Variants in ZDHHC14 observed in about 807,000 individuals in gnomAD.
The protein encoded by ZDHHC14 is palmitoyltransferase ZDHHC14.
ZDHHC14 carries 16 observed loss-of-function variants against 47.7 expected under a neutral mutation model. That is an observed-to-expected ratio of 0.34 (90% CI 0.23 to 0.51). The LOEUF (loss-of-function observed/expected upper bound fraction) is 0.51. Ranked by LOEUF, ZDHHC14 falls within the 20% of genes least tolerant of loss-of-function variation. The pLI, the probability that ZDHHC14 is intolerant of heterozygous loss-of-function variation, is 0.97. For missense variants in ZDHHC14, 515 were observed against 662.5 expected, an observed-to-expected ratio of 0.78 and a Z score of 2.44; for synonymous variants, 293 against 278.9, an observed-to-expected ratio of 1.05 and a Z score of -0.50.
intron 2 of ZDHHC14, among the ~76,000 whole-genome samples, chr6:157,590,574 A>T (rs113360574): frequency 0.018 from 2,717 of 152,320 alleles, 87 homozygotes; most frequent in African/African-American, 0.062. Context: ...ATTTCAGAGG[A>T]TGTATGGAAA....
intron 2 of ZDHHC14, among the ~76,000 whole-genome samples, chr6:157,550,179 C>T (rs1012661887): frequency 6.6e-6 from 1 of 152,212 alleles, no homozygotes; most frequent in African/African-American, 2.4e-5. Context: ...AGTGTGAATT[C>T]CTAAGTTCAC....
rs879656638 is a variant in ZDHHC14 at position 157,413,589 on chromosome 6, C to CT, written c.245+31336dup. 4.7e-3 allele frequency among the ~76,000 whole-genome samples: 652 copies of CT among 139,464 alleles called. 6 individuals carry two copies. The highest frequency in any genetic ancestry group is 0.014 in the African/African-American group (529 of 38,158). 91.5% of individuals were successfully genotyped at this position (139,464 alleles called of 152,430 possible). On this transcript the variant is annotated intron_variant, in intron 1 of 8. Transcript: ENST00000359775. Reference sequence around the variant, plus strand: ...TTTTAAAGCTTTTCTTCCTTCCTTTCTTTTTTTTTTTTTAAGTCAGAAGGC... The same window carrying CT: ...TTTTAAAGCTTTTCTTCCTTCCTTTCTTTTTTTTTTTTTTAAGTCAGAAGGC...
chr6:157,622,552 A>C (rs1274567953), intron 3 of ZDHHC14, among the ~76,000 whole-genome samples: 1 of 152,056 alleles, frequency 6.6e-6, no homozygotes, highest in East Asian at 1.9e-4. Flanking sequence ...CTTGCATTCC[A>C]CTGTAGCCTC....
At chr6:157,493,711 TGG>T (rs1779984710) in intron 1 of ZDHHC14, among the ~76,000 whole-genome samples, 1 of 152,244 alleles carries the variant, frequency 6.6e-6, no homozygotes, top group Non-Finnish European at 1.5e-5. Context: ...TCAGGCATTT[TGG>T]GGTGCAGAAG....
chr6:157,614,568 G>GA (rs979191916), intron 3 of ZDHHC14, among the ~76,000 whole-genome samples: 8 of 152,112 alleles, frequency 5.3e-5, no homozygotes, highest in African/African-American at 1.7e-4. Context: ...GATGTTCTTA[G>GA]AAAAACTCTC....
chr6:157,579,193 T>TG (rs1562490132), intron 2 of ZDHHC14, among the ~76,000 whole-genome samples: 21 of 100,278 alleles, frequency 2.1e-4, no homozygotes, highest in African/African-American at 9.4e-4. Flanking sequence ...ATTCTGTGTT[T>TG]TTTTTTTTTT....
At chr6:157,602,181 G>GA in intron 3 of ZDHHC14, among the ~76,000 whole-genome samples, 1 of 133,496 alleles carries the variant, frequency 7.5e-6, no homozygotes, top group East Asian at 2.4e-4. Context: ...CCAGCCTGGG[G>GA]ACAGAGCGAG....
chr6:157,666,593 A>C (rs1026034247), intron 8 of ZDHHC14, among the ~76,000 whole-genome samples: 5 of 152,232 alleles, frequency 3.3e-5, no homozygotes, highest in Admixed American at 2.0e-4. Context: ...GCAGAAATAC[A>C]TGATGCGTAA....
intron 1 of ZDHHC14, among the ~76,000 whole-genome samples, chr6:157,422,399 G>T (rs920114792): frequency 1.3e-5 from 2 of 151,980 alleles, no homozygotes; most frequent in African/African-American, 4.8e-5. Flanking sequence ...CTCCATTTCT[G>T]GATTCTGTAC....
At chr6:157,581,030 T>A (rs1181282832) in intron 2 of ZDHHC14, among the ~76,000 whole-genome samples, 1 of 152,100 alleles carries the variant, frequency 6.6e-6, no homozygotes, top group East Asian at 1.9e-4. Context: ...TAATTTGAGA[T>A]CCTTCTTACT....
Position 157,414,180 on chromosome 6 carries a change from C to T in ZDHHC14, c.245+31914C>T, listed in dbSNP as rs999773257. Among the ~76,000 whole-genome samples the T allele has an allele frequency of 3.3e-5, 5 of 152,166 alleles. 1 individual carries two copies. Among genetic ancestry groups the T allele is most frequent in the African/African-American group, 1.2e-4 (5 of 41,410 alleles). ...CTCCTGACCTCAGGTGATCCTCCCA[C>T]CTTGGCTTCCTTTGATTACAGGCGT... On this transcript the variant is annotated intron_variant, in intron 1 of 8. Transcript: ENST00000359775.
rs139740366 is a variant in ZDHHC14 at position 157,602,632 on chromosome 6, A to C, written c.565+9486A>C. Reference sequence around the variant, plus strand: ...AGTGTATAGACTACCTGGGGTACTGAACGGTAGGACAGAAGCTCAGGGATG... The same window carrying C: ...AGTGTATAGACTACCTGGGGTACTGCACGGTAGGACAGAAGCTCAGGGATG... On this transcript the variant is annotated intron_variant, in intron 3 of 8. Transcript: ENST00000359775. 2.8e-3 allele frequency among the ~76,000 whole-genome samples: 422 copies of C among 152,218 alleles called. 3 individuals are homozygous for C. The highest frequency in any genetic ancestry group is 4.8e-3 in the Non-Finnish European group (324 of 68,010).
intron 1 of ZDHHC14, among the ~76,000 whole-genome samples, chr6:157,461,618 G>C (rs958350914): frequency 6.6e-6 from 1 of 152,176 alleles, no homozygotes; most frequent in African/African-American, 2.4e-5. Context: ...TTGGGTTAGG[G>C]TCTTGAAGTT....
intron 1 of ZDHHC14, among the ~76,000 whole-genome samples, chr6:157,417,360 A>G (rs1273947704): frequency 1.3e-5 from 2 of 152,160 alleles, no homozygotes. Flanking sequence ...CCTACTACAT[A>G]TACTGTTCTG....
At chr6:157,505,940 A>C (rs1336070992) in intron 1 of ZDHHC14, among the ~76,000 whole-genome samples, 1 of 152,254 alleles carries the variant, frequency 6.6e-6, no homozygotes. Flanking sequence ...CAGCTCGGTC[A>C]ATGAGATCAG....
intron 2 of ZDHHC14, among the ~76,000 whole-genome samples, chr6:157,568,649 T>C (rs1236013568): frequency 6.6e-6 from 1 of 152,196 alleles, no homozygotes; most frequent in African/African-American, 2.4e-5. Flanking sequence ...TGCCTAAAAA[T>C]GCTGTTGCTG....
chr6:157,617,052 T>C (rs1451425672), intron 3 of ZDHHC14, among the ~76,000 whole-genome samples: 1 of 152,144 alleles, frequency 6.6e-6, no homozygotes. Context: ...CAAGCATGAA[T>C]GGCAGCCTCA....
In ZDHHC14 at chr6:157,527,536, A is replaced by T. The variant is rs145106859; in HGVS notation, c.246-15049A>T. On this transcript the variant is annotated intron_variant, in intron 1 of 8. Coordinates refer to ENST00000359775, the MANE Select transcript of ZDHHC14 (RefSeq NM_024630.3). The stretch of plus-strand genomic sequence containing the variant: ...GGGGAGAGTAAGAGTCAAAACCTCA[A>T]CTGATGGAAACTTCTGGTAGAAAAA... Among the ~76,000 whole-genome samples, 3 of 152,316 alleles carry T rather than the reference A, an allele frequency of 2.0e-5. No individual in the cohort carries two copies. The East Asian group carries it at 5.8e-4, about 29-fold the overall frequency.
At chr6:157,460,262 G>A (rs1303648149) in intron 1 of ZDHHC14, among the ~76,000 whole-genome samples, 1 of 150,888 alleles carries the variant, frequency 6.6e-6, no homozygotes, top group East Asian at 2.0e-4. Context: ...AGCCAAGCAT[G>A]GCGGTGTGCA....
Sources: allele counts gnomAD v4.1 joint callset (sites outside exome capture counted in the v4.1 genomes callset), GRCh38; gene constraint gnomAD v4.1.1; transcripts MANE v1.5; gene names NCBI Gene and HGNC (gene_info 2026-07-23, HGNC 2026-07-21).